Variants in KALRN observed in about 807,000 individuals in gnomAD.
KALRN encodes the protein kalirin.
A neutral mutation model predicts 353.7 loss-of-function variants in KALRN; 70 were observed. The ratio of observed to expected loss-of-function variants is 0.20; its 90% CI spans 0.16 to 0.24. KALRN has a LOEUF of 0.24. KALRN is among the 10% of genes least tolerant of loss of function. KALRN has a pLI of 1.00. For synonymous variants in KALRN, 1,391 were observed against 1,434.8 expected, an observed-to-expected ratio of 0.97 and a Z score of 0.69; for missense variants, 2,791 against 3,756.7, an observed-to-expected ratio of 0.74 and a Z score of 6.72.
intron 33 of KALRN, among the ~76,000 whole-genome samples, chr3:124,560,339 G>A (rs78973634): frequency 0.025 from 3,795 of 152,360 alleles, 63 homozygotes; most frequent in Middle Eastern, 0.068. Context: ...AGCCCCTGGC[G>A]TGGTCGCAGA....
At chr3:124,148,138 G>A (rs1441727113) in intron 1 of KALRN, among the ~76,000 whole-genome samples, 1 of 152,148 alleles carries the variant, frequency 6.6e-6, no homozygotes, top group Admixed American at 6.5e-5. Flanking sequence ...GGATGTAGTC[G>A]GCTCCCCTCT....
intron 34 of KALRN, among the ~76,000 whole-genome samples, chr3:124,607,314 A>ACGT (rs75541234): frequency 1.3e-5 from 2 of 151,134 alleles, no homozygotes; most frequent in Admixed American, 6.6e-5. Context: ...CATAGTATAA[A>ACGT]CATTGTGCAA....
rs922559786 is a variant in KALRN, at chr3:124,491,391, C to T, written c.4656C>T (p.Arg1552=). 3.1e-6 allele frequency: 5 copies of T among 1,610,004 alleles called. No individual in the cohort carries two copies. In the Admixed American group the frequency reaches 6.7e-5, roughly 22 times the overall value. The change falls in exon 31 of 60, where the codon CGC becomes CGT. Residue 1552 remains arginine, a synonymous_variant. Transcript: ENST00000682506. ...GCAAATTCGCCTTGTGGTCTGGGCGCACCCCATCCTCAGACAATAAAACAG... is the reference window on the plus strand; with the variant it reads ...GCAAATTCGCCTTGTGGTCTGGGCGTACCCCATCCTCAGACAATAAAACAG... The part of the protein sequence containing the change: ...DPCKFALWSG[R]TPSSDNKTVL...
At chr3:124,101,036 TAGG>T (rs1277287188) in intron 1 of KALRN, among the ~76,000 whole-genome samples, 2 of 152,184 alleles carry the variant, frequency 1.3e-5, no homozygotes, top group African/African-American at 4.8e-5. Context: ...ATAGTAAACA[TAGG>T]AGAACACATA....
intron 1 of KALRN, among the ~76,000 whole-genome samples, chr3:124,138,776 A>G (rs2066258483): frequency 6.6e-6 from 1 of 152,138 alleles, no homozygotes; most frequent in Admixed American, 6.5e-5. Flanking sequence ...GTGAGTACAG[A>G]GGGGGTAACT....
At chr3:124,126,423 T>A (rs1471750579) in intron 1 of KALRN, among the ~76,000 whole-genome samples, 1 of 152,186 alleles carries the variant, frequency 6.6e-6, no homozygotes, top group Non-Finnish European at 1.5e-5. Context: ...TATTTGAGGC[T>A]TCTTCCTGCT....
At chr3:124,228,930 G>C (rs77258559) in intron 2 of KALRN, among the ~76,000 whole-genome samples, 1 of 151,922 alleles carries the variant, frequency 6.6e-6, no homozygotes, top group African/African-American at 2.4e-5. Context: ...CTACCTCCAG[G>C]GTCAAATTGC....
chr3:124,668,103 T>C (rs548111555), intron 47 of KALRN, among the ~76,000 whole-genome samples: 8 of 139,768 alleles, frequency 5.7e-5, no homozygotes, highest in African/African-American at 1.4e-4. Context: ...CAACCACCTT[T>C]GGGTATACCA....
chr3:124,491,513 A>G (rs2063157090), intron 31 of KALRN, 89 bp downstream of exon 31: 1 of 909,208 alleles, frequency 1.1e-6, no homozygotes, highest in Non-Finnish European at 1.6e-6. Context: ...TAAGGCCCAG[A>G]GACTCTACTG....
At chr3:124,639,551 G>A (rs189033398) in intron 37 of KALRN, among the ~76,000 whole-genome samples, 113 of 152,228 alleles carry the variant, frequency 7.4e-4, no homozygotes, top group Admixed American at 1.2e-3. Context: ...CTACTGCTAA[G>A]CTTTGCACTG....
intron 8 of KALRN, among the ~76,000 whole-genome samples, chr3:124,330,554 T>C (rs554969465): frequency 6.6e-6 from 1 of 152,276 alleles, no homozygotes; most frequent in South Asian, 2.1e-4. Context: ...ACAAAGACTC[T>C]TCCATTGAAA....
intron 33 of KALRN, among the ~76,000 whole-genome samples, chr3:124,505,579 G>C (rs1577531635): frequency 1.3e-5 from 2 of 152,192 alleles, no homozygotes; most frequent in Non-Finnish European, 2.9e-5. Context: ...ACTTCAGTGA[G>C]CTGTGATTGC....
At chr3:124,212,674 C>T (rs762416402) in intron 1 of KALRN, among the ~76,000 whole-genome samples, 2 of 151,978 alleles carry the variant, frequency 1.3e-5, no homozygotes, top group African/African-American at 4.8e-5. Flanking sequence ...TATTATTATT[C>T]GTATTACCAA....
chr3:124,342,407 G>A (rs1468978057), intron 9 of KALRN, among the ~76,000 whole-genome samples: 1 of 152,158 alleles, frequency 6.6e-6, no homozygotes, highest in South Asian at 2.1e-4. Context: ...GAGAACATGT[G>A]ATATTTGTCT....
chr3:124,384,487 A>G (rs2087894087), intron 10 of KALRN: 1 of 180,588 alleles, frequency 5.5e-6, no homozygotes, highest in Admixed American at 6.2e-5. Context: ...TGGGTGTGCT[A>G]TTTCTGATCC....
At chr3:124,074,378 C>T (rs1340541131) in intron 1 of KALRN, among the ~76,000 whole-genome samples, 4 of 152,226 alleles carry the variant, frequency 2.6e-5, no homozygotes, top group Non-Finnish European at 5.9e-5. Flanking sequence ...GCAGGCCTGA[C>T]TGGTCAGGGT....
At chr3:124,489,326 AC>A (rs1008308356) in intron 29 of KALRN, among the ~76,000 whole-genome samples, 5 of 151,960 alleles carry the variant, frequency 3.3e-5, no homozygotes, top group Non-Finnish European at 5.9e-5. Context: ...AAACAAACAA[AC>A]AAAAAGACTT....
intron 34 of KALRN, among the ~76,000 whole-genome samples, chr3:124,595,181 C>T (rs1051978974): frequency 1.3e-4 from 19 of 147,978 alleles, no homozygotes; most frequent in Non-Finnish European, 1.1e-4. Flanking sequence ...TCTTTTTTTT[C>T]CATGTGTGTT....
intron 10 of KALRN, among the ~76,000 whole-genome samples, chr3:124,375,952 A>G (rs2086530388): frequency 6.6e-6 from 1 of 152,184 alleles, no homozygotes; most frequent in African/African-American, 2.4e-5. Context: ...CTTCCTAAAC[A>G]CACACGGTTG....
Sources: gnomAD v4.1 joint callset for allele counts (sites outside exome capture counted in the v4.1 genomes callset) on GRCh38, gnomAD v4.1.1 for gene constraint, MANE v1.5 for transcripts, NCBI Gene and HGNC (gene_info 2026-07-23, HGNC 2026-07-21) for gene names.